Variants in GAD2 observed in about 807,000 individuals in gnomAD.
GAD2 encodes the protein glutamate decarboxylase 2, also known as 65 kDa glutamic acid decarboxylase.
In GAD2, 22 loss-of-function variants were observed where a neutral mutation model predicts 80.1. The observed-to-expected ratio is 0.27, with a 90% CI of 0.20 to 0.39. The LOEUF (loss-of-function observed/expected upper bound fraction) is 0.39, where lower values mean the gene tolerates loss of function less well. GAD2 is among the 10% of genes least tolerant of loss of function. The pLI is 1.00. For missense variants in GAD2, 624 were observed against 738.4 expected (o/e 0.85, Z 1.80); for synonymous variants, 274 against 256.9 (o/e 1.07, Z -0.64).
At chr10:26,242,112 A>T (rs1432863920) in intron 7 of GAD2, among the ~76,000 whole-genome samples, 1 of 152,016 alleles carries the variant, frequency 6.6e-6, no homozygotes, top group African/African-American at 2.4e-5. Context: ...CAGCCTCCGG[A>T]GTAGCTGGGA....
At chr10:26,238,005 G>C (rs111663233) in intron 7 of GAD2, among the ~76,000 whole-genome samples, 1,840 of 118,236 alleles carry the variant, frequency 0.016, 69 homozygotes, top group African/African-American at 0.062. Flanking sequence ...CCATCACACA[G>C]ACACACACAC....
intron 8 of GAD2, among the ~76,000 whole-genome samples, chr10:26,254,596 C>T (rs189297722): frequency 5.9e-5 from 9 of 152,338 alleles, no homozygotes; most frequent in African/African-American, 2.2e-4. Flanking sequence ...GTCAGAATGT[C>T]CTTGTCATGT....
At chr10:26,276,785 C>T (rs753588207) in intron 11 of GAD2, among the ~76,000 whole-genome samples, 17 of 152,182 alleles carry the variant, frequency 1.1e-4, no homozygotes, top group Admixed American at 5.2e-4. Context: ...GGCTTTAAGT[C>T]GCAGCTGAAG....
chr10:26,273,243 A>G (rs1845157792), intron 10 of GAD2, among the ~76,000 whole-genome samples: 1 of 152,244 alleles, frequency 6.6e-6, no homozygotes, highest in African/African-American at 2.4e-5. Flanking sequence ...TTGTCAAAAG[A>G]GTTTTCCCTG....
chr10:26,246,471 T>C (rs577205068), intron 8 of GAD2, among the ~76,000 whole-genome samples: 1 of 152,268 alleles, frequency 6.6e-6, no homozygotes, highest in East Asian at 1.9e-4. Flanking sequence ...CCTGTCTTAA[T>C]TGACACCTGA....
chr10:26,225,316 C>A (rs1358853106), intron 6 of GAD2, among the ~76,000 whole-genome samples: 1 of 152,194 alleles, frequency 6.6e-6, no homozygotes, highest in Non-Finnish European at 1.5e-5. Flanking sequence ...CCTCTTCCAG[C>A]CAAGAGAATC....
chr10:26,245,940 A>C lies in GAD2; in HGVS notation c.860A>C (p.Lys287Thr), dbSNP rs746471874. The C allele has an allele frequency of 6.2e-7, 1 of 1,613,942 alleles. No individual in the cohort carries two copies. Reference protein sequence around the residue: ...TSEHSHFSLKKGAAALGIGTD... With the variant: ...TSEHSHFSLKTGAAALGIGTD... ...TTACAGAGTCATTTTTCTCTCAAGA[A>C]GGGAGCTGCAGCCTTAGGGATTGGA... The change falls in exon 8 of 16, where the codon AAG becomes ACG. Residue 287 changes from lysine (K) to threonine (T), a missense_variant. Lys to Thr is a moderately conservative substitution (Grantham distance 78, BLOSUM62 -1). Transcript: ENST00000376261.
intron 6 of GAD2, among the ~76,000 whole-genome samples, chr10:26,227,066 C>T (rs1434750536): frequency 1.3e-5 from 2 of 152,172 alleles, no homozygotes; most frequent in African/African-American, 4.8e-5. Context: ...GATCTCAGCT[C>T]ACTGCAACCT....
chr10:26,251,904 G>A (rs1844884993), intron 8 of GAD2, among the ~76,000 whole-genome samples: 1 of 152,182 alleles, frequency 6.6e-6, no homozygotes, highest in South Asian at 2.1e-4. Context: ...AAGTGTTTGG[G>A]TTCAGAAGCC....
chr10:26,241,969 A>ATTTG (rs113962077), intron 7 of GAD2, among the ~76,000 whole-genome samples: 4,363 of 151,544 alleles, frequency 0.029, 181 homozygotes, highest in African/African-American at 0.096. Flanking sequence ...CACTGGTTCC[A>ATTTG]TTTGTTTGTT....
At chr10:26,247,069 G>A (rs1455832488) in intron 8 of GAD2, among the ~76,000 whole-genome samples, 1 of 152,206 alleles carries the variant, frequency 6.6e-6, no homozygotes, top group Non-Finnish European at 1.5e-5. Flanking sequence ...ATGAAAGCAA[G>A]TTTATTAGGA....
rs746462360 is a variant in GAD2, at chr10:26,292,498, T to C, written c.1420T>C (p.Cys474Arg). The C allele has an allele frequency of 6.2e-7, 1 of 1,614,084 alleles. No individual in the cohort carries two copies. Among genetic ancestry groups the C allele is most frequent in the South Asian group, 1.1e-5 (1 of 91,074 alleles). The change falls in exon 14 of 16, where the codon TGT becomes CGT. Residue 474 changes from cysteine to arginine, a missense_variant. Coordinates refer to ENST00000376261, the MANE Select transcript of GAD2 (RefSeq NM_001134366.2). ...CGGGTTTGAAGCGCATGTTGATAAA[T>C]GTTTGGAGTTGGCAGAGTATTTATA... is the stretch of plus-strand genomic sequence containing the variant. ...TTGFEAHVDK[C>R]LELAEYLYNI...
rs1844388316 is a variant in GAD2 at position 26,217,406 on chromosome 10, AG to A, written c.77-202del. Among the ~76,000 whole-genome samples the A allele has an allele frequency of 6.6e-6, 1 of 152,014 alleles. No individual in the cohort carries two copies. The highest frequency in any genetic ancestry group is 2.4e-5 in the African/African-American group (1 of 41,388). On this transcript the variant is annotated intron_variant, in intron 1 of 15. Transcript: ENST00000376261. This position sits in a 1 kb window ranked among gnomAD's most constrained non-coding sequence, Gnocchi z 4.9. ...GGGCTTCTCCTCGGGAAACAGATAAAGGAAATGAGGGCTGGCCCGGGCCGCC... is the reference window on the plus strand; with the variant it reads ...GGGCTTCTCCTCGGGAAACAGATAAAGAAATGAGGGCTGGCCCGGGCCGCC...
At chr10:26,216,728 C>A (rs1844375698), upstream of GAD2, 9 of 1,235,598 alleles carry the variant, frequency 7.3e-6, no homozygotes, top group Admixed American at 2.2e-5. The surrounding 1 kb of genome is among the most constrained non-coding windows in gnomAD (Gnocchi z 4.7). Context: ...CACACGGGCA[C>A]GCACGCGCGC....
chr10:26,243,688 C>T (rs1348908419), intron 7 of GAD2, among the ~76,000 whole-genome samples: 1 of 152,214 alleles, frequency 6.6e-6, no homozygotes, highest in Non-Finnish European at 1.5e-5. Context: ...CTGCCCCAGC[C>T]AGTAATTGAT....
intron 13 of GAD2, 35 bp from the exon 14 acceptor site, chr10:26,292,430 G>T (rs1262174539): frequency 1.3e-6 from 2 of 1,523,194 alleles, no homozygotes. Flanking sequence ...CGCACTCTTA[G>T]CCTGCTTAAT....
chr10:26,226,494 G>A (rs1844524871), intron 6 of GAD2, among the ~76,000 whole-genome samples: 1 of 152,204 alleles, frequency 6.6e-6, no homozygotes. Flanking sequence ...CAGCAGAAAA[G>A]GTCATTGCAA....
At chr10:26,280,874 A>G (rs1434142260) in intron 11 of GAD2, 135 bp from the exon 12 acceptor site, 1 of 544,246 alleles carries the variant, frequency 1.8e-6, no homozygotes, top group African/African-American at 1.9e-5. Flanking sequence ...TTAATTTTTA[A>G]AATTAAAATA....
At position 26,217,562 on chromosome 10, in the gene GAD2, GT is replaced by G. The variant is rs1318879944; in HGVS notation, c.77-46del. The stretch of plus-strand genomic sequence containing the variant: ...AGAACGAAATTTCACACGTCCGTCT[GT>G]TGTTCTCTTTCTGCCTCGCTGTCTG... On this transcript the variant is annotated intron_variant, in intron 1 of 15. Coordinates refer to ENST00000376261, the MANE Select transcript of GAD2 (RefSeq NM_001134366.2). This position sits in a 1 kb window ranked among gnomAD's most constrained non-coding sequence, Gnocchi z 4.9. 1 of 1,568,214 alleles carries G rather than the reference GT, an allele frequency of 6.4e-7. No homozygotes were observed. Among genetic ancestry groups the G allele is most frequent in the East Asian group, 2.3e-5 (1 of 43,546 alleles).
Sources: gnomAD v4.1 joint callset for allele counts (sites outside exome capture counted in the v4.1 genomes callset) on GRCh38, gnomAD v4.1.1 for gene constraint, Gnocchi (gnomAD v3.1) non-coding constraint, MANE v1.5 for transcripts, NCBI Gene and HGNC (gene_info 2026-07-23, HGNC 2026-07-21) for gene names.